Variants in ZC3H11A observed in about 807,000 individuals in gnomAD.
The protein encoded by ZC3H11A is zinc finger CCCH domain-containing protein 11A.
In ZC3H11A, 22 loss-of-function variants were observed where a neutral mutation model predicts 90.8. The observed-to-expected ratio is 0.24, with a 90% CI of 0.17 to 0.35. The LOEUF is 0.35. Among genes scored for constraint, ZC3H11A ranks in the 10% least tolerant of loss-of-function variants. The pLI is 1.00. For synonymous variants in ZC3H11A, 294 were observed against 339.8 expected, an observed-to-expected ratio of 0.87 and a Z score of 1.48; for missense variants, 701 against 964.9, an observed-to-expected ratio of 0.73 and a Z score of 3.62.
At chr1:203,847,104 T>C in intron 12 of ZC3H11A, 80 bp from the exon 13 acceptor site, 1 of 1,489,782 alleles carries the variant, frequency 6.7e-7, no homozygotes, top group Non-Finnish European at 9.2e-7. Flanking sequence ...TGGACTGTCT[T>C]GATCCAAGAA....
intron 2 of ZC3H11A, among the ~76,000 whole-genome samples, chr1:203,812,050 C>G (rs1674657631): frequency 6.6e-6 from 1 of 152,100 alleles, no homozygotes; most frequent in African/African-American, 2.4e-5. Flanking sequence ...CTACTGACCT[C>G]AAGTGATCCA....
chr1:203,819,232 T>A (rs1455736141), intron 4 of ZC3H11A, among the ~76,000 whole-genome samples: 54 of 150,734 alleles, frequency 3.6e-4, no homozygotes, highest in East Asian at 5.8e-4. Context: ...TTTTATTTTT[T>A]TTTTTTTGAA....
intron 1 of ZC3H11A, chr1:203,798,273 A>G: frequency 6.5e-7 from 1 of 1,536,168 alleles, no homozygotes; most frequent in Middle Eastern, 1.7e-4. Context: ...TCTCATCAAA[A>G]GTAACATTGT....
rs887744889 is a variant in ZC3H11A at position 203,838,009 on chromosome 1, G to A, written c.918G>A (p.Arg306=). 1.1e-5 allele frequency: 17 copies of A among 1,614,072 alleles called. No homozygotes were observed. In the African/African-American group the frequency reaches 1.9e-4, roughly 18 times the overall value. Residue 306 remains arginine, a synonymous_variant, in exon 11 of 18, where the codon AGG becomes AGA. Coordinates refer to ENST00000367210, the MANE Select transcript of ZC3H11A (RefSeq NM_001376342.1). The part of the protein sequence containing the change: ...DPPLKRSLAQ[R]LGKKVEAPET... ...CATTAAAGCGTAGCCTGGCACAGAGGCTAGGGAAGAAAGTTGAAGCTCCAG... is the reference window on the plus strand; with the variant it reads ...CATTAAAGCGTAGCCTGGCACAGAGACTAGGGAAGAAAGTTGAAGCTCCAG...
chr1:203,819,087 T>TACAC (rs202070174), intron 4 of ZC3H11A, among the ~76,000 whole-genome samples: 589 of 41,420 alleles, frequency 0.014, 5 homozygotes, highest in African/African-American at 0.02. Context: ...AATATATATA[T>TACAC]ATACACACAC....
intron 2 of ZC3H11A, among the ~76,000 whole-genome samples, chr1:203,812,314 C>T (rs1238804573): frequency 4.6e-5 from 7 of 152,106 alleles, no homozygotes; most frequent in Admixed American, 6.6e-5. Flanking sequence ...TTTGTTGTTC[C>T]CCTCTATGTG....
intron 2 of ZC3H11A, among the ~76,000 whole-genome samples, chr1:203,812,701 C>T (rs1339233260): frequency 2.0e-5 from 3 of 147,556 alleles, no homozygotes; most frequent in Admixed American, 1.4e-4. Flanking sequence ...CCTGTTTTTG[C>T]CTCCTGAGTA....
chr1:203,852,184 C>T lies in ZC3H11A; in HGVS notation c.2218C>T (p.Pro740Ser). Residue 740 changes from proline (P) to serine (S), a missense_variant, in exon 18 of 18, where the codon CCG becomes TCG. Pro to Ser is a moderately conservative substitution (Grantham distance 74). Transcript: ENST00000367210. ...PTQSSSDSSP[P>S]EVSGPSSSQM... is the part of the protein sequence containing the mutation. ...CCAGTCCTCTTCAGATTCCTCACCCCCGGAGGTGTCTGGCCCTTCCTCATC... is the reference window on the plus strand; with the variant it reads ...CCAGTCCTCTTCAGATTCCTCACCCTCGGAGGTGTCTGGCCCTTCCTCATC... The T allele has an allele frequency of 6.2e-7, 1 of 1,613,612 alleles. No individual in the cohort carries two copies. The highest frequency in any genetic ancestry group is 8.5e-7 in the Non-Finnish European group (1 of 1,179,818).
intron 4 of ZC3H11A, 133 bp from the exon 5 acceptor site, chr1:203,828,166 C>T (rs1013836323): frequency 2.0e-6 from 2 of 1,020,756 alleles, no homozygotes; most frequent in Admixed American, 4.8e-5. Flanking sequence ...ATCTCTCTTC[C>T]TTCTAAAAAT....
intron 5 of ZC3H11A, 130 bp from the exon 6 acceptor site, chr1:203,829,321 T>A (rs552663392): frequency 1.1e-6 from 1 of 925,262 alleles, no homozygotes; most frequent in South Asian, 1.7e-5. Context: ...ACTTTAGAAC[T>A]TAAATGAGGA....
intron 2 of ZC3H11A, among the ~76,000 whole-genome samples, chr1:203,815,514 C>T (rs948478843): frequency 4.6e-5 from 7 of 151,838 alleles, no homozygotes; most frequent in African/African-American, 1.2e-4. Context: ...CCACTGCACC[C>T]GGCCTATTTC....
intron 4 of ZC3H11A, among the ~76,000 whole-genome samples, chr1:203,825,804 A>ATTTTT (rs200102832): frequency 2.7e-5 from 4 of 149,986 alleles, no homozygotes. Flanking sequence ...GTCACTTGTG[A>ATTTTT]TTTTTTTTTT....
At chr1:203,847,992 G>A (rs925735108) in intron 13 of ZC3H11A, among the ~76,000 whole-genome samples, 5 of 152,036 alleles carry the variant, frequency 3.3e-5, no homozygotes, top group Non-Finnish European at 5.9e-5. Context: ...AGTAGCTGGG[G>A]CTACAGACAT....
chr1:203,829,281 A>T, intron 5 of ZC3H11A, 170 bp from the exon 6 acceptor site: 1 of 650,990 alleles, frequency 1.5e-6, no homozygotes, highest in Non-Finnish European at 2.6e-6. Context: ...AGAGTTAATT[A>T]GGTAAAAGCA....
chr1:203,847,559 C>T lies in ZC3H11A; in HGVS notation c.1418C>T (p.Thr473Met), dbSNP rs1572358687. 5 of 1,613,868 alleles carry T rather than the reference C, an allele frequency of 3.1e-6. No homozygotes were observed. The highest frequency in any genetic ancestry group is 2.2e-5 in the East Asian group (1 of 44,874). ...TKSMQEVHIK[T>M]LEEIKLEKAL... The stretch of plus-strand genomic sequence containing the variant: ...TCTATGCAGGAGGTGCACATCAAGA[C>T]GCTGGAAGAAATTAAACTGGAGAAG... Residue 473 changes from threonine to methionine, a missense_variant, in exon 13 of 18, where the codon ACG (threonine) becomes ATG (methionine). Around this residue, in one of 4 missense-constraint regions of ZC3H11A, gnomAD observed 530 missense variants for 696.2 expected, o/e 0.76. Transcript: ENST00000367210.
intron 12 of ZC3H11A, 43 bp from the exon 13 acceptor site, chr1:203,847,141 T>A: frequency 6.2e-7 from 1 of 1,601,634 alleles, no homozygotes; most frequent in Non-Finnish European, 8.5e-7. Flanking sequence ...CAGTAAGAGA[T>A]GAACTTCAAG....
At chr1:203,844,574 A>G (rs1301471919) in intron 12 of ZC3H11A, among the ~76,000 whole-genome samples, 1 of 152,080 alleles carries the variant, frequency 6.6e-6, no homozygotes, top group East Asian at 1.9e-4. Flanking sequence ...TATCTTAAAT[A>G]TTGTTGTTTT....
At position 203,841,002 on chromosome 1, in the gene ZC3H11A, T is replaced by C. The variant is rs143538975; in HGVS notation, c.1042+628T>C. Among the ~76,000 whole-genome samples, 560 of 152,202 alleles carry C rather than the reference T, an allele frequency of 3.7e-3. 3 individuals carry two copies. Among genetic ancestry groups the C allele is most frequent in the Middle Eastern group, 0.024 (7 of 294 alleles). On this transcript the variant is annotated intron_variant, in intron 12 of 17. Transcript: ENST00000367210. Reference sequence around the variant, plus strand: ...GGTTTAGATAAAATTATGATAGTTATGTGCTAAAATAATTGCTGTCATGAA... The same window carrying C: ...GGTTTAGATAAAATTATGATAGTTACGTGCTAAAATAATTGCTGTCATGAA...
At chr1:203,806,445 G>A (rs762332005) in intron 2 of ZC3H11A, among the ~76,000 whole-genome samples, 6 of 152,092 alleles carry the variant, frequency 3.9e-5, no homozygotes, top group Non-Finnish European at 7.4e-5. Context: ...GGGATTATAG[G>A]CATCTGCCAT....
Sources: allele counts gnomAD v4.1 joint callset (sites outside exome capture counted in the v4.1 genomes callset), GRCh38; gene constraint gnomAD v4.1.1; regional missense constraint gnomAD v4.1.1; transcripts MANE v1.5; gene names NCBI Gene and HGNC (gene_info 2026-07-23, HGNC 2026-07-21).